The following DHRS4L2 variants were observed in gnomAD, a reference collection of about 807,000 sequenced individuals.
DHRS4L2 encodes the protein dehydrogenase/reductase 4 like 2.
In DHRS4L2, 22 loss-of-function variants were observed where a neutral mutation model predicts 23.9. The observed-to-expected ratio is 0.92, with a 90% CI of 0.66 to 1.31. The LOEUF (loss-of-function observed/expected upper bound fraction) is 1.31. Among genes scored for constraint, DHRS4L2 ranks in the 40% most tolerant of loss-of-function variants. The pLI is 0.00. For synonymous variants in DHRS4L2, 141 were observed against 123.7 expected, an observed-to-expected ratio of 1.14 and a Z score of -0.93; for missense variants, 385 against 303.3, an observed-to-expected ratio of 1.27 and a Z score of -2.00.
intron 3 of DHRS4L2, among the ~76,000 whole-genome samples, chr14:23,995,955 G>T (rs905401521): frequency 6.6e-6 from 1 of 151,760 alleles, no homozygotes; most frequent in Non-Finnish European, 1.5e-5. Context: ...GTGTGTTTTG[G>T]CTTACGATAC....
At chr14:23,971,268 G>A (rs1369884598) in intron 1 of DHRS4L2, among the ~76,000 whole-genome samples, 1 of 151,998 alleles carries the variant, frequency 6.6e-6, no homozygotes, top group Non-Finnish European at 1.5e-5. Context: ...AAGGTTAAAC[G>A]AATGGCTAAC....
chr14:23,982,753 G>A (rs1359711898), intron 1 of DHRS4L2, among the ~76,000 whole-genome samples: 2 of 151,538 alleles, frequency 1.3e-5, no homozygotes, highest in Admixed American at 6.6e-5. Context: ...CTAGCCGTAG[G>A]CAGAAAACTG....
intron 6 of DHRS4L2, among the ~76,000 whole-genome samples, chr14:24,003,827 T>G (rs2034518930): frequency 1.9e-5 from 1 of 53,668 alleles, no homozygotes; most frequent in Non-Finnish European, 2.8e-5. Flanking sequence ...TTTTGTACAT[T>G]GATTTTGTAT....
Position 23,971,700 on chromosome 14 carries a change from A to G in DHRS4L2, c.-176+1368A>G, listed in dbSNP as rs557653106. On this transcript the variant is annotated intron_variant, in intron 1 of 5. Coordinates refer to the DHRS4L2 transcript ENST00000534993. ...AACATTCTGAAAGAAAAGATTTTTG[A>G]AACTAGAATTTCATATCCAGCCAAA... 1.3e-4 allele frequency among the ~76,000 whole-genome samples: 20 copies of G among 152,164 alleles called. 1 individual carries two copies. The South Asian group carries it at 3.1e-3, about 24-fold the overall frequency.
chr14:24,001,278 C>A (rs570051387), intron 5 of DHRS4L2, 106 bp from the exon 6 acceptor site: 4 of 1,565,324 alleles, frequency 2.6e-6, no homozygotes, highest in South Asian at 2.4e-5. Flanking sequence ...TAACTCTGCC[C>A]CTCCCTTACA....
chr14:23,989,312 T>G (rs1205341808), intron 1 of DHRS4L2, among the ~76,000 whole-genome samples: 2 of 151,652 alleles, frequency 1.3e-5, no homozygotes, highest in African/African-American at 4.8e-5. Context: ...TGCAGCCCCA[T>G]CGATCTAGTC....
chr14:23,971,551 C>T lies in DHRS4L2; in HGVS notation c.-176+1219C>T, dbSNP rs185089066. ...AACCCCAAGACACATAATTGTCAGA[C>T]TCAGCAAGGTTAAGGGCAGCCAGAG... On this transcript the variant is annotated intron_variant, in intron 1 of 5. Coordinates refer to the DHRS4L2 transcript ENST00000534993. Among the ~76,000 whole-genome samples the T allele has an allele frequency of 6.2e-4, 94 of 151,974 alleles. 1 individual carries two copies. The highest frequency in any genetic ancestry group is 4.6e-3 in the East Asian group (24 of 5,180).
At chr14:23,995,276 C>T (rs72692121) in intron 3 of DHRS4L2, 143 bp downstream of exon 3, 24,863 of 970,980 alleles carry the variant, frequency 0.026, 636 homozygotes, top group Non-Finnish European at 0.032. Flanking sequence ...GCACACCTTG[C>T]AAAGGGCAGG....
chr14:23,985,757 C>G (rs2138524435), upstream of DHRS4L2, among the ~76,000 whole-genome samples: 1 of 151,606 alleles, frequency 6.6e-6, no homozygotes, highest in Admixed American at 6.6e-5. Flanking sequence ...TTCTGTTGCC[C>G]AGGCTGGAGT....
chr14:24,000,511 T>A (rs1375756309), intron 3 of DHRS4L2, among the ~76,000 whole-genome samples: 1 of 151,994 alleles, frequency 6.6e-6, no homozygotes, highest in Non-Finnish European at 1.5e-5. Flanking sequence ...CTAGGGCAGG[T>A]CCAGGAGGCT....
upstream of DHRS4L2, among the ~76,000 whole-genome samples, chr14:23,986,196 G>A (rs1490635903): frequency 6.6e-5 from 10 of 151,482 alleles, no homozygotes; most frequent in East Asian, 1.5e-3. Flanking sequence ...CCAGCTTGAT[G>A]AGGAGTAGCG....
chr14:23,999,344 TAAA>T (rs71426825), intron 3 of DHRS4L2, among the ~76,000 whole-genome samples: 420 of 53,042 alleles, frequency 7.9e-3, no homozygotes, highest in Non-Finnish European at 0.011. Context: ...CTCCAATTTG[TAAA>T]AAAAAAAAAA....
chr14:23,974,158 T>C (rs1175941521), intron 1 of DHRS4L2, among the ~76,000 whole-genome samples: 2 of 151,462 alleles, frequency 1.3e-5, no homozygotes, highest in South Asian at 2.1e-4. Context: ...ACTAGGTAAA[T>C]AACAAACTGA....
intron 3 of DHRS4L2, among the ~76,000 whole-genome samples, chr14:23,995,449 C>T (rs1157003104): frequency 2.0e-5 from 3 of 151,758 alleles, no homozygotes; most frequent in African/African-American, 7.2e-5. Flanking sequence ...AGCTAATATG[C>T]CAACAACTAC....
At chr14:23,994,627 G>A (rs375296508) in intron 2 of DHRS4L2, among the ~76,000 whole-genome samples, 1 of 151,780 alleles carries the variant, frequency 6.6e-6, no homozygotes, top group East Asian at 1.9e-4. Context: ...GGTCAAGGCT[G>A]CAGTGAGCTG....
At chr14:23,975,744 G>C (rs533146776) in intron 1 of DHRS4L2, among the ~76,000 whole-genome samples, 11 of 151,642 alleles carry the variant, frequency 7.3e-5, no homozygotes, top group African/African-American at 1.5e-4. Context: ...TAGACCAATG[G>C]AACAGAACAG....
intron 2 of DHRS4L2, 40 bp from the exon 3 acceptor site, chr14:23,994,992 C>T: frequency 6.2e-7 from 1 of 1,609,044 alleles, no homozygotes; most frequent in Non-Finnish European, 8.5e-7. Context: ...ACCTCCCTTA[C>T]TTACTGCAGC....
chr14:23,996,901 T>C (rs1304069532), intron 3 of DHRS4L2, among the ~76,000 whole-genome samples: 1 of 152,014 alleles, frequency 6.6e-6, no homozygotes, highest in Non-Finnish European at 1.5e-5. Flanking sequence ...CCCCAAAATA[T>C]TGGGATTACA....
In DHRS4L2 at chr14:24,004,365, G is replaced by A; in HGVS notation, c.694G>A (p.Ala232Thr). Residue 232 changes from alanine to threonine, a missense_variant, in exon 7 of 8, where the codon GCA becomes ACA. By Grantham distance (58) the Ala-to-Thr change is moderately conservative. Transcript: ENST00000335125. ...CSGWTRKKRK[A>T] Reference sequence around the variant, plus strand: ...TGGATGGACAAGGAAAAAGAGGAAAGCATGAAAGAAACCCTGCGGATAAGA... The same window carrying A: ...TGGATGGACAAGGAAAAAGAGGAAAACATGAAAGAAACCCTGCGGATAAGA... 6.2e-7 allele frequency: 1 copy of A among 1,603,472 alleles called. No individual in the cohort carries two copies. Among genetic ancestry groups the A allele is most frequent in the South Asian group, 1.1e-5 (1 of 90,334 alleles).
Sources: gnomAD v4.1 joint callset for allele counts (sites outside exome capture counted in the v4.1 genomes callset) on GRCh38, gnomAD v4.1.1 for gene constraint, MANE v1.5 for transcripts, NCBI Gene and HGNC (gene_info 2026-07-23, HGNC 2026-07-21) for gene names.